RNF10: variants seen among roughly 807,000 people sequenced by gnomAD.
RNF10 encodes E3 ubiquitin-protein ligase RNF10.
In RNF10, 38 loss-of-function variants were observed where a neutral mutation model predicts 91.4. The ratio of observed to expected loss-of-function variants is 0.42; its 90% CI spans 0.32 to 0.54. The LOEUF (loss-of-function observed/expected upper bound fraction) is 0.54. RNF10 is among the 20% of genes least tolerant of loss of function. RNF10 has a pLI of 0.16. For missense variants in RNF10, 945 were observed against 1,012.0 expected, an observed-to-expected ratio of 0.93 and a Z score of 0.90; for synonymous variants, 364 against 366.3, an observed-to-expected ratio of 0.99 and a Z score of 0.07.
chr12:120,538,358 G>C (rs1411522859), intron 1 of RNF10, among the ~76,000 whole-genome samples: 2 of 152,026 alleles, frequency 1.3e-5, no homozygotes, highest in East Asian at 3.8e-4. Flanking sequence ...TTGAGATTTT[G>C]TTCCAGTGGC....
rs758540605 is a variant in RNF10 at position 120,557,608 on chromosome 12, A to G, written c.893A>G (p.Lys298Arg). 2.5e-6 allele frequency: 4 copies of G among 1,614,084 alleles called. No homozygotes were observed. Among genetic ancestry groups the G allele is most frequent in the Admixed American group, 1.7e-5 (1 of 59,994 alleles). ...VGDTITMQLM[K>R]REKGVLVALP... ...GATACCATTACGATGCAGCTGATGA[A>G]GAGGGAGAAAGGGGTGTTGGTGGCT... Residue 298 changes from lysine (K) to arginine (R), a missense_variant, in exon 6 of 17, where the codon AAG (lysine) becomes AGG (arginine). Physicochemically the swap from Lys to Arg is conservative, Grantham distance 26 (BLOSUM62 2). Transcript: ENST00000325954.
chr12:120,560,356 G>A (rs1874667183), intron 6 of RNF10, among the ~76,000 whole-genome samples: 1 of 151,894 alleles, frequency 6.6e-6, no homozygotes, highest in African/African-American at 2.4e-5. Context: ...GTTTCACCAT[G>A]TTGGTCAGGC....
chr12:120,565,258 G>T (rs1050791998), intron 11 of RNF10, 69 bp downstream of exon 11: 5 of 1,232,282 alleles, frequency 4.1e-6, no homozygotes, highest in African/African-American at 1.5e-5. Context: ...GACACCCAGT[G>T]GGGGAGGAAA....
At chr12:120,575,548 C>G (rs1877271787) in intron 14 of RNF10, 83 bp from the exon 15 acceptor site, 18 of 1,462,492 alleles carry the variant, frequency 1.2e-5, no homozygotes, top group Non-Finnish European at 1.7e-5. Context: ...TTCTGTGCCT[C>G]TCCAGTTAGT....
chr12:120,563,233 A>AC, intron 8 of RNF10, 114 bp from the exon 9 acceptor site: 1 of 1,477,928 alleles, frequency 6.8e-7, no homozygotes, highest in Non-Finnish European at 9.2e-7. Context: ...AAATCAGTGA[A>AC]CACGACAGCT....
chr12:120,547,824 AG>A (rs1317547771), intron 2 of RNF10, among the ~76,000 whole-genome samples: 1 of 152,266 alleles, frequency 6.6e-6, no homozygotes, highest in East Asian at 1.9e-4. Context: ...AGGTTTAAGG[AG>A]AAAAGTAAGG....
chr12:120,574,757 C>T lies in RNF10; in HGVS notation c.2143-874C>T, dbSNP rs187171378. ...CCTGACCAACATGGAGAAACCCCGT[C>T]TTTACTAAAAATACAAAAATTAGCC... On this transcript the variant is annotated intron_variant, in intron 14 of 16. Transcript: ENST00000325954. 20 of 281,870 alleles carry T rather than the reference C, an allele frequency of 7.1e-5. No individual in the cohort carries two copies. The East Asian group carries it at 1.8e-3, about 26-fold the overall frequency. 17.5% of individuals were successfully genotyped at this position (281,870 alleles called of 1,614,324 possible).
intron 8 of RNF10, 105 bp downstream of exon 8, chr12:120,563,175 A>G: frequency 1.3e-6 from 2 of 1,542,630 alleles, no homozygotes; most frequent in Non-Finnish European, 1.8e-6. Context: ...AGAGGGGACA[A>G]TGAGTATTTT....
chr12:120,557,975 C>T (rs776251725), intron 6 of RNF10, among the ~76,000 whole-genome samples: 7 of 152,116 alleles, frequency 4.6e-5, no homozygotes, highest in Non-Finnish European at 7.3e-5. Context: ...TGGTGCCTGT[C>T]GTCAAGAAAC....
At chr12:120,535,004 T>A (rs1425349767) in intron 1 of RNF10, 36 bp downstream of exon 1, 6 of 1,548,176 alleles carry the variant, frequency 3.9e-6, no homozygotes, top group Non-Finnish European at 5.2e-6. Context: ...CGGGGGCGAC[T>A]GCCCCTGCTG....
At chr12:120,539,665 A>G (rs1232999819) in intron 1 of RNF10, among the ~76,000 whole-genome samples, 1 of 152,102 alleles carries the variant, frequency 6.6e-6, no homozygotes, top group East Asian at 1.9e-4. Context: ...CTTGGTGGAG[A>G]CCTTTCCATT....
intron 14 of RNF10, among the ~76,000 whole-genome samples, chr12:120,573,306 G>C (rs1876937030): frequency 6.6e-6 from 1 of 152,118 alleles, no homozygotes; most frequent in East Asian, 1.9e-4. Flanking sequence ...TAGTTGTCAA[G>C]TCTCTTTAGT....
At chr12:120,563,775 C>T (rs1485048737) in intron 9 of RNF10, 35 bp from the exon 10 acceptor site, 20 of 1,612,084 alleles carry the variant, frequency 1.2e-5, no homozygotes, top group Non-Finnish European at 1.7e-5. Context: ...GGGGACTGGC[C>T]AAGACTGGTG....
chr12:120,566,451 C>T (rs16950279), intron 12 of RNF10, among the ~76,000 whole-genome samples: 4,515 of 152,172 alleles, frequency 0.03, 234 homozygotes, highest in African/African-American at 0.1. Flanking sequence ...GTGATGTCCT[C>T]AACTGTTGGA....
intron 8 of RNF10, 92 bp from the exon 9 acceptor site, chr12:120,563,255 C>G: frequency 6.7e-7 from 1 of 1,499,934 alleles, no homozygotes; most frequent in Non-Finnish European, 9.1e-7. Flanking sequence ...AGATAAACAT[C>G]TAGGGAGCTT....
At chr12:120,543,750 A>G (rs1207768674) in intron 1 of RNF10, among the ~76,000 whole-genome samples, 1 of 152,162 alleles carries the variant, frequency 6.6e-6, no homozygotes, top group African/African-American at 2.4e-5. Flanking sequence ...CAGTAAGCCG[A>G]GATCATGCCA....
intron 12 of RNF10, among the ~76,000 whole-genome samples, chr12:120,565,878 A>G (rs765440875): frequency 5.9e-4 from 90 of 152,360 alleles, no homozygotes; most frequent in Middle Eastern, 6.8e-3. Context: ...TAAAGGGACC[A>G]GCTATACACA....
At chr12:120,550,883 A>C (rs969371715) in intron 2 of RNF10, among the ~76,000 whole-genome samples, 1 of 152,188 alleles carries the variant, frequency 6.6e-6, no homozygotes, top group Non-Finnish European at 1.5e-5. Context: ...GGCATGAGCC[A>C]CCACACCCGG....
chr12:120,541,927 T>G (rs545699180), intron 1 of RNF10, among the ~76,000 whole-genome samples: 3 of 149,420 alleles, frequency 2.0e-5, no homozygotes, highest in Admixed American at 6.7e-5. Flanking sequence ...AGTGCAGTGG[T>G]GCAATCTTGG....
Sources: allele counts gnomAD v4.1 joint callset (sites outside exome capture counted in the v4.1 genomes callset), GRCh38; gene constraint gnomAD v4.1.1; transcripts MANE v1.5; gene names NCBI Gene and HGNC (gene_info 2026-07-23, HGNC 2026-07-21).